The following ATXN10 variants were observed in gnomAD, a reference collection of about 807,000 sequenced individuals.
The protein encoded by ATXN10 is ataxin 10, also known as ataxin-10.
Under a neutral mutation model 52.9 loss-of-function variants are expected in ATXN10, and 28 were observed. The observed-to-expected ratio is 0.53, with a 90% confidence interval of 0.39 to 0.73. The LOEUF (loss-of-function observed/expected upper bound fraction) is 0.73. Among genes scored for constraint, ATXN10 ranks in the 30% least tolerant of loss-of-function variants. The probability of loss-of-function intolerance (pLI) is 0.00; values close to 1 mark genes in which losing one functional copy is unlikely to be tolerated. For missense variants in ATXN10, 565 were observed against 577.0 expected, an observed-to-expected ratio of 0.98 and a Z score of 0.21; for synonymous variants, 226 against 221.5, an observed-to-expected ratio of 1.02 and a Z score of -0.18.
chr22:45,729,280 A>T (rs1170254948), intron 6 of ATXN10, 145 bp from the exon 7 acceptor site: 4 of 785,252 alleles, frequency 5.1e-6, no homozygotes, highest in Non-Finnish European at 8.1e-6. Flanking sequence ...GATTAACTTT[A>T]TTCATGTTTT....
At chr22:45,822,211 G>A (rs1928672195) in intron 10 of ATXN10, among the ~76,000 whole-genome samples, 1 of 152,170 alleles carries the variant, frequency 6.6e-6, no homozygotes, top group Non-Finnish European at 1.5e-5. Context: ...ACTGTTGGTG[G>A]ATATTTGTCA....
chr22:45,791,007 G>A (rs1319673421), intron 9 of ATXN10, among the ~76,000 whole-genome samples: 1 of 152,002 alleles, frequency 6.6e-6, no homozygotes, highest in African/African-American at 2.4e-5. Flanking sequence ...GTTACACACT[G>A]TCACACCCAG....
intron 9 of ATXN10, among the ~76,000 whole-genome samples, chr22:45,745,204 TTTTTCTTCCCTATTCTTC>T: frequency 6.6e-6 from 1 of 152,338 alleles, no homozygotes; most frequent in East Asian, 1.9e-4. Flanking sequence ...ATGGTTTACC[TTTTTCTTCCCTATTCTTC>T]TTCTTTTCAC....
intron 9 of ATXN10, among the ~76,000 whole-genome samples, chr22:45,778,000 G>C (rs978693124): frequency 1.3e-5 from 2 of 152,202 alleles, no homozygotes; most frequent in African/African-American, 4.8e-5. Flanking sequence ...TTGGGACATA[G>C]TTGTGTTCAT....
chr22:45,748,193 A>T (rs564955848), intron 9 of ATXN10, among the ~76,000 whole-genome samples: 1 of 151,446 alleles, frequency 6.6e-6, no homozygotes, highest in South Asian at 2.1e-4. Flanking sequence ...AAAAAAAAAA[A>T]GTATATAATG....
intron 9 of ATXN10, among the ~76,000 whole-genome samples, chr22:45,782,412 T>C (rs1927179586): frequency 2.0e-5 from 3 of 152,190 alleles, no homozygotes. Context: ...ACAACCCAAG[T>C]GTCTATCACT....
chr22:45,687,211 C>T (rs1050126434), intron 1 of ATXN10, among the ~76,000 whole-genome samples: 4 of 152,182 alleles, frequency 2.6e-5, no homozygotes, highest in African/African-American at 9.7e-5. Flanking sequence ...GAATTATTCA[C>T]AACATAGTTC....
chr22:45,792,357 C>A (rs1045049271), intron 9 of ATXN10: 1 of 152,290 alleles, frequency 6.6e-6, no homozygotes, highest in African/African-American at 2.4e-5. Context: ...AGAGGGAGGA[C>A]AGTAAATCAA....
intron 6 of ATXN10, among the ~76,000 whole-genome samples, chr22:45,724,606 A>G (rs564283480): frequency 6.6e-6 from 1 of 152,190 alleles, no homozygotes; most frequent in South Asian, 2.1e-4. Flanking sequence ...GTTTTCTCCC[A>G]TTCTGTTGGT....
chr22:45,761,448 A>G (rs1569054145), intron 9 of ATXN10, among the ~76,000 whole-genome samples: 1 of 152,216 alleles, frequency 6.6e-6, no homozygotes, highest in African/African-American at 2.4e-5. Context: ...AAATCTGTTC[A>G]TTGTTTTCAC....
In ATXN10 at chr22:45,757,136, T is replaced by C. The variant is rs890358510; in HGVS notation, c.1173+16598T>C. On this transcript the variant is annotated intron_variant, in intron 9 of 11. Coordinates refer to ENST00000252934, the MANE Select transcript of ATXN10 (RefSeq NM_013236.4). The surrounding 1 kb of genome is among the most constrained non-coding windows in gnomAD (Gnocchi z 4.6). Reference sequence around the variant, plus strand: ...GACGGACTGCCTGGGGCTGGGGCTGTGGAGGCGGACGACTGGGGAGTCTGA... The same window carrying C: ...GACGGACTGCCTGGGGCTGGGGCTGCGGAGGCGGACGACTGGGGAGTCTGA... Among the ~76,000 whole-genome samples the C allele has an allele frequency of 6.6e-6, 1 of 151,582 alleles. No individual in the cohort carries two copies. Among genetic ancestry groups the C allele is most frequent in the Non-Finnish European group, 1.5e-5 (1 of 67,912 alleles).
chr22:45,719,395 C>T lies in ATXN10; in HGVS notation c.728+902C>T, dbSNP rs571579157. ...CATTTTTCTTCTTTAATATCTCAAA[C>T]AGGAAAAGCTTATGCTTTTAAAGTC... On this transcript the variant is annotated intron_variant, in intron 6 of 11. Coordinates refer to ENST00000252934, the MANE Select transcript of ATXN10 (RefSeq NM_013236.4). Among the ~76,000 whole-genome samples the T allele has an allele frequency of 7.4e-4, 112 of 152,084 alleles. No individual in the cohort carries two copies. In the Middle Eastern group the frequency reaches 0.017, roughly 23 times the overall value.
chr22:45,807,817 A>T (rs981766224), intron 10 of ATXN10, among the ~76,000 whole-genome samples: 3 of 152,186 alleles, frequency 2.0e-5, no homozygotes, highest in Non-Finnish European at 4.4e-5. Flanking sequence ...GGCAGGGGTG[A>T]ATAAGGCTAC....
In ATXN10 at chr22:45,734,160, T is replaced by G. The variant is rs150277645; in HGVS notation, c.894+4570T>G. Among the ~76,000 whole-genome samples the G allele has an allele frequency of 9.1e-4, 138 of 152,334 alleles. 1 individual carries two copies. Among genetic ancestry groups the G allele is most frequent in the Non-Finnish European group, 1.7e-3 (119 of 68,024 alleles). The stretch of plus-strand genomic sequence containing the variant: ...GGTTAAGTAAATCAAATCCAGGTTA[T>G]AAATTCCTGGAGTTGAATTGCTGGG... On this transcript the variant is annotated intron_variant, in intron 7 of 11. Coordinates refer to ENST00000252934, the MANE Select transcript of ATXN10 (RefSeq NM_013236.4).
rs1487140538 is a variant in ATXN10, at chr22:45,769,887, G to A, written c.1173+29349G>A. Among the ~76,000 whole-genome samples the A allele has an allele frequency of 6.6e-6, 1 of 152,234 alleles. No homozygotes were observed. Among genetic ancestry groups the A allele is most frequent in the African/African-American group, 2.4e-5 (1 of 41,460 alleles). On this transcript the variant is annotated intron_variant, in intron 9 of 11. Coordinates refer to ENST00000252934, the MANE Select transcript of ATXN10 (RefSeq NM_013236.4). This position sits in a 1 kb window ranked among gnomAD's most constrained non-coding sequence, Gnocchi z 4.2. ...AATATAAAAAATTTTCTGATGAAATGTAAGTTATAAACATGTTGGTTGAAT... is the reference window on the plus strand; with the variant it reads ...AATATAAAAAATTTTCTGATGAAATATAAGTTATAAACATGTTGGTTGAAT...
chr22:45,672,246 G>C, intron 1 of ATXN10, 67 bp downstream of exon 1: 2 of 1,313,994 alleles, frequency 1.5e-6, no homozygotes, highest in Non-Finnish European at 1.9e-6. Context: ...CGGCGGCCCC[G>C]GCCTGGACCC....
In ATXN10 at chr22:45,681,990, T is replaced by C. The variant is rs995286364; in HGVS notation, c.117-7722T>C. 1.3e-5 allele frequency among the ~76,000 whole-genome samples: 2 copies of C among 152,232 alleles called. No homozygotes were observed. Among genetic ancestry groups the C allele is most frequent in the African/African-American group, 4.8e-5 (2 of 41,472 alleles). Reference sequence around the variant, plus strand: ...TGTGGATTAGCGATCTTGCTCTGAATATGAGCTCCCCTTAAGTTTGCACTA... The same window carrying C: ...TGTGGATTAGCGATCTTGCTCTGAACATGAGCTCCCCTTAAGTTTGCACTA... On this transcript the variant is annotated intron_variant, in intron 1 of 11. Transcript: ENST00000252934. The surrounding 1 kb of genome is among the most constrained non-coding windows in gnomAD (Gnocchi z 4.2).
chr22:45,812,110 C>T (rs550991694), intron 10 of ATXN10, among the ~76,000 whole-genome samples: 10 of 152,332 alleles, frequency 6.6e-5, no homozygotes, highest in Admixed American at 2.6e-4. Context: ...TCCTCCTGGG[C>T]TTGGTCATCC....
intron 10 of ATXN10, among the ~76,000 whole-genome samples, chr22:45,809,832 A>C (rs2146887845): frequency 6.6e-6 from 1 of 152,338 alleles, no homozygotes; most frequent in Admixed American, 6.5e-5. Flanking sequence ...TTTGTCAGCT[A>C]CATGTGTTGC....
Sources: allele counts gnomAD v4.1 joint callset (sites outside exome capture counted in the v4.1 genomes callset), GRCh38; gene constraint gnomAD v4.1.1; non-coding constraint Gnocchi (gnomAD v3.1); transcripts MANE v1.5; gene names NCBI Gene and HGNC (gene_info 2026-07-23, HGNC 2026-07-21).